PDZRN3: variants seen among roughly 807,000 people sequenced by gnomAD.
PDZRN3 encodes the protein PDZ domain containing ring finger 3, also known as E3 ubiquitin-protein ligase PDZRN3.
A neutral mutation model predicts 85.7 loss-of-function variants in PDZRN3; 38 were observed. The ratio of observed to expected loss-of-function variants is 0.44; its 90% CI spans 0.34 to 0.58. The LOEUF (loss-of-function observed/expected upper bound fraction) is 0.58, where lower values mean the gene tolerates loss of function less well. Ranked by LOEUF, PDZRN3 falls within the 20% of genes least tolerant of loss-of-function variation. The pLI, the probability that PDZRN3 is intolerant of heterozygous loss-of-function variation, is 0.01. For synonymous variants in PDZRN3, 759 were observed against 638.0 expected, an observed-to-expected ratio of 1.19 and a Z score of -2.86; for missense variants, 1,629 against 1,506.4, an observed-to-expected ratio of 1.08 and a Z score of -1.35.
chr3:73,561,736 T>C (rs1311613971), intron 3 of PDZRN3: 3 of 152,180 alleles, frequency 2.0e-5, no homozygotes, highest in African/African-American at 7.2e-5. Context: ...CGGATGCTTG[T>C]GCACTTGTCT....
chr3:73,579,100 G>A (rs186625748), intron 3 of PDZRN3, among the ~76,000 whole-genome samples: 1 of 152,174 alleles, frequency 6.6e-6, no homozygotes, highest in Admixed American at 6.5e-5. Context: ...GTGGGGTCTT[G>A]GGGAGGTGGT....
chr3:73,551,910 G>A (rs1291983298), intron 3 of PDZRN3, among the ~76,000 whole-genome samples: 2 of 152,072 alleles, frequency 1.3e-5, no homozygotes, highest in African/African-American at 4.8e-5. Context: ...TTGTACCTGT[G>A]AAAAGCCTGA....
intron 3 of PDZRN3, among the ~76,000 whole-genome samples, chr3:73,459,471 T>C (rs975083699): frequency 4.6e-5 from 7 of 152,144 alleles, no homozygotes; most frequent in Admixed American, 1.3e-4. Context: ...CAGTACCCAA[T>C]AGTTATTTTT....
intron 6 of PDZRN3, 60 bp downstream of exon 6, chr3:73,390,957 GA>G (rs35427155): frequency 3.0e-4 from 274 of 900,244 alleles, no homozygotes; most frequent in South Asian, 4.6e-4. Flanking sequence ...TGGTGAACAT[GA>G]AAAAAAAAAC....
intron 3 of PDZRN3, among the ~76,000 whole-genome samples, chr3:73,577,472 C>A (rs1468674563): frequency 3.3e-5 from 5 of 152,296 alleles, no homozygotes; most frequent in African/African-American, 1.2e-4. Flanking sequence ...GAGAGCTTCC[C>A]TTTTTCCACC....
intron 3 of PDZRN3, among the ~76,000 whole-genome samples, chr3:73,456,032 T>C (rs1330977323): frequency 6.6e-6 from 1 of 152,198 alleles, no homozygotes; most frequent in Non-Finnish European, 1.5e-5. Flanking sequence ...ATAGTGGTAA[T>C]GGTGGAAGGA....
intron 3 of PDZRN3, among the ~76,000 whole-genome samples, chr3:73,463,913 C>A (rs112003240): frequency 0.013 from 1,933 of 152,198 alleles, 49 homozygotes; most frequent in African/African-American, 0.044. Flanking sequence ...ATGTAACAAA[C>A]CTGCACATCC....
intron 3 of PDZRN3, among the ~76,000 whole-genome samples, chr3:73,592,812 C>T (rs990766179): frequency 2.6e-5 from 4 of 152,176 alleles, no homozygotes; most frequent in African/African-American, 4.8e-5. Context: ...TGCCATTCTG[C>T]CCTTGCGTCT....
rs555285407 is a variant in PDZRN3 at position 73,600,335 on chromosome 3, A to ACT, written c.918+2018_918+2019insAG. Among the ~76,000 whole-genome samples the ACT allele has an allele frequency of 7.7e-3, 361 of 46,930 alleles. 3 individuals carry two copies. The highest frequency in any genetic ancestry group is 0.022 in the East Asian group (50 of 2,302). 30.8% of individuals were successfully genotyped at this position (46,930 alleles called of 152,430 possible). A position where few individuals can be genotyped will look rare whatever the true frequency, so the allele number is the denominator to read the frequency against. On this transcript the variant is annotated intron_variant, in intron 3 of 9. Transcript: ENST00000263666. ...CACACACACACACACACACACACAC[A>ACT]CACTCTCTCTCTCTCTCTCTCTCTC...
intron 3 of PDZRN3, among the ~76,000 whole-genome samples, chr3:73,434,654 T>A (rs1183506019): frequency 6.6e-6 from 1 of 152,196 alleles, no homozygotes; most frequent in East Asian, 1.9e-4. Flanking sequence ...GCCATATAGA[T>A]GCTGCAGATA....
At chr3:73,445,222 T>G (rs894355257) in intron 3 of PDZRN3, among the ~76,000 whole-genome samples, 10 of 152,194 alleles carry the variant, frequency 6.6e-5, no homozygotes, top group Admixed American at 2.0e-4. Context: ...GTTTTTATTC[T>G]TGGCCAGACT....
intron 8 of PDZRN3, 52 bp downstream of exon 8, chr3:73,387,916 C>G (rs370026275): frequency 9.4e-6 from 8 of 855,270 alleles, no homozygotes; most frequent in Non-Finnish European, 1.5e-5. Context: ...GCCTGGGGAT[C>G]TTTTGATTTT....
In PDZRN3 at chr3:73,453,803, A is replaced by G. The variant is rs78050345; in HGVS notation, c.919-49408T>C. 9.1e-3 allele frequency among the ~76,000 whole-genome samples: 1,380 copies of G among 152,308 alleles called. 19 individuals carry two copies. Among genetic ancestry groups the G allele is most frequent in the African/African-American group, 0.032 (1,315 of 41,554 alleles). ...TGATCTCCGTGTTAAGCCACAAAGCATTGTTACTAAGCTCACATATTCATT... is the reference window on the plus strand; with the variant it reads ...TGATCTCCGTGTTAAGCCACAAAGCGTTGTTACTAAGCTCACATATTCATT... On this transcript the variant is annotated intron_variant, in intron 3 of 9. Coordinates refer to ENST00000263666, the MANE Select transcript of PDZRN3 (RefSeq NM_015009.3).
chr3:73,403,703 G>A (rs760818613), intron 4 of PDZRN3, among the ~76,000 whole-genome samples: 2 of 152,132 alleles, frequency 1.3e-5, no homozygotes, highest in Non-Finnish European at 2.9e-5. Flanking sequence ...AGGCATGTGC[G>A]GGCTTATTAC....
At chr3:73,444,045 A>C (rs562991076) in intron 3 of PDZRN3, among the ~76,000 whole-genome samples, 1 of 151,994 alleles carries the variant, frequency 6.6e-6, no homozygotes, top group South Asian at 2.1e-4. Context: ...GACCTTTCCC[A>C]CATCTGTCTC....
At chr3:73,421,144 A>G (rs1702193443) in intron 3 of PDZRN3, among the ~76,000 whole-genome samples, 1 of 152,190 alleles carries the variant, frequency 6.6e-6, no homozygotes, top group South Asian at 2.1e-4. Flanking sequence ...GAACCCATAG[A>G]TATGAAGTGC....
At chr3:73,404,513 G>A (rs1701815737) in intron 3 of PDZRN3, 118 bp from the exon 4 acceptor site, 2 of 1,089,256 alleles carry the variant, frequency 1.8e-6, no homozygotes, top group Non-Finnish European at 2.6e-6. Context: ...AGGTGGTGGT[G>A]TCAGAGAACT....
chr3:73,591,664 G>A (rs4677309), intron 3 of PDZRN3, among the ~76,000 whole-genome samples: 101,653 of 151,974 alleles, frequency 0.67, 34,283 homozygotes, highest in African/African-American at 0.74. Flanking sequence ...GGCCAAAATT[G>A]CAGTATTCAG....
Position 73,416,418 on chromosome 3 carries a change from C to G in PDZRN3, c.919-12023G>C, listed in dbSNP as rs112311779. ...GGGCTTCTTGAGAATTTTAATTGTT[C>G]TGCTACTAGATCACGCCATACCGAC... On this transcript the variant is annotated intron_variant, in intron 3 of 9. Transcript: ENST00000263666. 2.8e-3 allele frequency among the ~76,000 whole-genome samples: 432 copies of G among 151,866 alleles called. 1 individual carries two copies. Among genetic ancestry groups the G allele is most frequent in the African/African-American group, 0.01 (418 of 41,376 alleles).
Sources: gnomAD v4.1 joint callset for allele counts (sites outside exome capture counted in the v4.1 genomes callset) on GRCh38, gnomAD v4.1.1 for gene constraint, MANE v1.5 for transcripts, NCBI Gene and HGNC (gene_info 2026-07-23, HGNC 2026-07-21) for gene names.